Variants in SCYL2 observed in about 807,000 individuals in gnomAD.
SCYL2 encodes the protein SCY1-like protein 2.
Under a neutral mutation model 100.4 loss-of-function variants are expected in SCYL2, and 36 were observed. The observed-to-expected ratio is 0.36, with a 90% CI of 0.27 to 0.47. The LOEUF (loss-of-function observed/expected upper bound fraction) is 0.47, where lower values mean the gene tolerates loss of function less well. Ranked by LOEUF, SCYL2 falls within the 20% of genes least tolerant of loss-of-function variation. The probability of loss-of-function intolerance (pLI) is 1.00; values close to 1 mark genes in which losing one functional copy is unlikely to be tolerated. For synonymous variants in SCYL2, 330 were observed against 359.2 expected, an observed-to-expected ratio of 0.92 and a Z score of 0.92; for missense variants, 902 against 1,083.9, an observed-to-expected ratio of 0.83 and a Z score of 2.36.
rs561114438 is a variant in SCYL2 at position 100,339,840 on chromosome 12, C to A, written c.*668C>A. On this transcript the variant is annotated 3_prime_UTR_variant, in exon 18 of 18. Coordinates refer to ENST00000360820, the MANE Select transcript of SCYL2 (RefSeq NM_017988.6). ...ATTGTAAATTATATTTTAGCATGGT[C>A]TGCCTCAAATAGTAATGTATTTTTC... 1 of 152,484 alleles carries A rather than the reference C, an allele frequency of 6.6e-6. No individual in the cohort carries two copies. Among genetic ancestry groups the A allele is most frequent in the Non-Finnish European group, 1.5e-5 (1 of 67,996 alleles). 9.4% of individuals were successfully genotyped at this position (152,484 alleles called of 1,614,324 possible). A position where few individuals can be genotyped will look rare whatever the true frequency, so the allele number is the denominator to read the frequency against.
chr12:100,272,036 A>G lies in SCYL2; in HGVS notation c.-29+4244A>G, dbSNP rs147746247. Among the ~76,000 whole-genome samples, 743 of 152,302 alleles carry G rather than the reference A, an allele frequency of 4.9e-3. 3 individuals are homozygous for G. The highest frequency in any genetic ancestry group is 8.1e-3 in the South Asian group (39 of 4,824). On this transcript the variant is annotated intron_variant, in intron 1 of 17. Transcript: ENST00000360820. ...GGTGCACGTAAAATCTAGTATTACA[A>G]CAGATTCACATGCTGGTTCTATTGA...
chr12:100,268,797 T>C (rs761254360), intron 1 of SCYL2, among the ~76,000 whole-genome samples: 2 of 152,204 alleles, frequency 1.3e-5, no homozygotes, highest in Admixed American at 6.5e-5. Flanking sequence ...CTCCTCTTAC[T>C]GTGTTTAACT....
At chr12:100,320,398 T>C (rs1405199936) in intron 10 of SCYL2, among the ~76,000 whole-genome samples, 1 of 151,610 alleles carries the variant, frequency 6.6e-6, no homozygotes, top group Non-Finnish European at 1.5e-5. Flanking sequence ...AATACAAAAA[T>C]TAGCTGGGTG....
At chr12:100,268,950 G>C (rs2096283826) in intron 1 of SCYL2, among the ~76,000 whole-genome samples, 1 of 152,116 alleles carries the variant, frequency 6.6e-6, no homozygotes, top group Non-Finnish European at 1.5e-5. Context: ...CTCTTCGTCT[G>C]TAACAGTAGT....
intron 3 of SCYL2, among the ~76,000 whole-genome samples, chr12:100,294,143 T>C (rs1416519392): frequency 6.2e-5 from 8 of 129,768 alleles, no homozygotes; most frequent in Non-Finnish European, 1.3e-4. Flanking sequence ...ACGGGGCGGC[T>C]GGCCGGGCGG....
intron 14 of SCYL2, 175 bp from the exon 15 acceptor site, chr12:100,335,450 A>T (rs975671101): frequency 3.7e-6 from 2 of 535,620 alleles, no homozygotes; most frequent in Non-Finnish European, 6.6e-6. Flanking sequence ...TTACATACAA[A>T]TGTTATTTTT....
chr12:100,317,254 T>TA (rs1445084156), intron 9 of SCYL2, among the ~76,000 whole-genome samples: 2 of 152,118 alleles, frequency 1.3e-5, no homozygotes, highest in African/African-American at 4.8e-5. Context: ...TTTTCTAAAA[T>TA]AAAAAAAATT....
intron 4 of SCYL2, among the ~76,000 whole-genome samples, chr12:100,302,475 T>C (rs12312093): frequency 0.044 from 6,633 of 152,322 alleles, 163 homozygotes; most frequent in South Asian, 0.083. Context: ...TCGCAACTTT[T>C]GCTTGTCTGT....
At chr12:100,332,803 C>G (rs1952227886) in intron 13 of SCYL2, among the ~76,000 whole-genome samples, 1 of 151,672 alleles carries the variant, frequency 6.6e-6, no homozygotes, top group Admixed American at 6.6e-5. Flanking sequence ...CAGCGTTGAC[C>G]TCCTGGGCCC....
rs1016048548 is a variant in SCYL2 at position 100,341,340 on chromosome 12, G to T, written c.*2168G>T. 6.6e-6 allele frequency: 1 copy of T among 152,024 alleles called. No homozygotes were observed. Among genetic ancestry groups the T allele is most frequent in the South Asian group, 2.1e-4 (1 of 4,828 alleles). The allele number at this position is 152,024 out of a possible 1,614,324, so 9.4% of individuals were successfully genotyped here. On this transcript the variant is annotated 3_prime_UTR_variant, in exon 18 of 18. Coordinates refer to ENST00000360820, the MANE Select transcript of SCYL2 (RefSeq NM_017988.6). ...CTAGATCACCTTAAAATTATTTCAC[G>T]TACTGAAGACAATTAAGTCCGTTAT...
At chr12:100,294,407 ACGGGGCGGCTGGCCGGGCGGG>A (rs2096315054) in intron 3 of SCYL2, among the ~76,000 whole-genome samples, 1 of 111,924 alleles carries the variant, frequency 8.9e-6, no homozygotes, top group Non-Finnish European at 1.9e-5. Flanking sequence ...TCCCTCCCGG[ACGGGGCGGCTGGCCGGGCGGG>A]GGGGCTCCTC....
chr12:100,271,329 G>T (rs1365236907), intron 1 of SCYL2, among the ~76,000 whole-genome samples: 4 of 149,860 alleles, frequency 2.7e-5, no homozygotes, highest in Non-Finnish European at 5.9e-5. Context: ...GATACAAACA[G>T]GTAAGTACTG....
At chr12:100,277,646 A>G (rs2096293934) in intron 1 of SCYL2, among the ~76,000 whole-genome samples, 1 of 152,100 alleles carries the variant, frequency 6.6e-6, no homozygotes, top group Non-Finnish European at 1.5e-5. Flanking sequence ...TTGCTTTTTT[A>G]TCCAATTTGA....
intron 4 of SCYL2, among the ~76,000 whole-genome samples, chr12:100,305,712 G>A (rs932901381): frequency 7.0e-6 from 1 of 142,258 alleles, no homozygotes; most frequent in Non-Finnish European, 1.5e-5. Flanking sequence ...GAATCTAGGA[G>A]CTGGTTTTTT....
In SCYL2 at chr12:100,338,699, C is replaced by G. The variant is rs1370498151; in HGVS notation, c.2317C>G (p.Leu773Val). The G allele has an allele frequency of 6.2e-7, 1 of 1,613,936 alleles. No individual in the cohort carries two copies. Among genetic ancestry groups the G allele is most frequent in the East Asian group, 2.2e-5 (1 of 44,890 alleles). The part of the protein sequence containing the change: ...DNTKRNLTNG[L>V]NANMGFQTSG... The stretch of plus-strand genomic sequence containing the variant: ...TACAAAGAGAAATTTGACAAATGGC[C>G]TAAATGCCAATATGGGCTTTCAGAC... The change falls in exon 18 of 18, where the codon CTA (leucine) becomes GTA (valine). Residue 773 changes from leucine to valine, a missense_variant. Leu to Val is a conservative substitution (Grantham distance 32, BLOSUM62 1). Coordinates refer to ENST00000360820, the MANE Select transcript of SCYL2 (RefSeq NM_017988.6).
chr12:100,341,464 T>C lies in SCYL2; in HGVS notation c.*2292T>C, dbSNP rs992036504. On this transcript the variant is annotated 3_prime_UTR_variant, in exon 18 of 18. Coordinates refer to ENST00000360820, the MANE Select transcript of SCYL2 (RefSeq NM_017988.6). ...AATTAGTTCTCTATTCTCCTATTGCTAAATGTGTGATATATAGAGAGGATG... is the reference window on the plus strand; with the variant it reads ...AATTAGTTCTCTATTCTCCTATTGCCAAATGTGTGATATATAGAGAGGATG... 6.6e-6 allele frequency: 1 copy of C among 152,168 alleles called. No homozygotes were observed. Among genetic ancestry groups the C allele is most frequent in the Non-Finnish European group, 1.5e-5 (1 of 67,988 alleles). The allele number at this position is 152,168 out of a possible 1,614,324, so 9.4% of individuals were successfully genotyped here.
intron 4 of SCYL2, among the ~76,000 whole-genome samples, chr12:100,305,211 GCAC>G (rs1284645735): frequency 6.6e-6 from 1 of 152,146 alleles, no homozygotes; most frequent in African/African-American, 2.4e-5. Context: ...ATTCTTCTCA[GCAC>G]CACATTGCAG....
intron 3 of SCYL2, chr12:100,291,906 GACT>G (rs1236125384): frequency 1.2e-5 from 5 of 400,804 alleles, no homozygotes; most frequent in Middle Eastern, 6.5e-4. Flanking sequence ...CTGTGCTCAT[GACT>G]ACAATAGTCA....
At chr12:100,335,787 A>G (rs1312632163) in intron 15 of SCYL2, 24 bp from the exon 16 acceptor site, 1 of 1,604,196 alleles carries the variant, frequency 6.2e-7, no homozygotes, top group East Asian at 2.2e-5. Flanking sequence ...ACTTATTTAA[A>G]TTATTGACAT....
Sources: gnomAD v4.1 joint callset for allele counts (sites outside exome capture counted in the v4.1 genomes callset) on GRCh38, gnomAD v4.1.1 for gene constraint, MANE v1.5 for transcripts, NCBI Gene and HGNC (gene_info 2026-07-23, HGNC 2026-07-21) for gene names.